The following ARHGEF10L variants were observed in gnomAD, a reference collection of about 807,000 sequenced individuals.
ARHGEF10L encodes the protein rho guanine nucleotide exchange factor 10-like protein.
In ARHGEF10L, 69 loss-of-function variants were observed where a neutral mutation model predicts 141.2. The observed-to-expected ratio is 0.49, with a 90% CI of 0.40 to 0.60. The LOEUF is 0.60. Ranked by LOEUF, ARHGEF10L falls within the 20% of genes least tolerant of loss-of-function variation. The pLI, the probability that ARHGEF10L is intolerant of heterozygous loss-of-function variation, is 0.00. For missense variants in ARHGEF10L, 1,482 were observed against 1,734.3 expected (o/e 0.85, Z 2.58); for synonymous variants, 711 against 718.5 (o/e 0.99, Z 0.17).
intron 27 of ARHGEF10L, among the ~76,000 whole-genome samples, chr1:17,692,892 C>A (rs767362348): frequency 7.9e-5 from 12 of 152,174 alleles, no homozygotes; most frequent in Non-Finnish European, 1.2e-4. Flanking sequence ...TGTCACAGGG[C>A]CTTTGCATGC....
intron 1 of ARHGEF10L, among the ~76,000 whole-genome samples, chr1:17,565,428 C>T (rs193272848): frequency 6.1e-4 from 93 of 152,326 alleles, no homozygotes; most frequent in African/African-American, 1.5e-3. Context: ...GCATTGCAGA[C>T]GAACTATCCA....
At chr1:17,634,670 C>G in intron 17 of ARHGEF10L, 108 bp downstream of exon 17, 1 of 1,506,956 alleles carries the variant, frequency 6.6e-7, no homozygotes, top group South Asian at 1.3e-5. Flanking sequence ...GTGCTTCTAC[C>G]CTGGCGAGGG....
intron 26 of ARHGEF10L, among the ~76,000 whole-genome samples, chr1:17,672,359 C>T (rs573750164): frequency 3.9e-5 from 6 of 152,160 alleles, no homozygotes; most frequent in East Asian, 3.9e-4. Context: ...TGACATGAAA[C>T]GGGTGGGAAT....
intron 7 of ARHGEF10L, among the ~76,000 whole-genome samples, chr1:17,610,616 G>A (rs1032711261): frequency 2.6e-5 from 4 of 152,214 alleles, no homozygotes; most frequent in African/African-American, 9.6e-5. Context: ...GGGCGCACCT[G>A]CTCACCCGCT....
intron 4 of ARHGEF10L, 73 bp downstream of exon 4, chr1:17,588,552 G>T: frequency 6.3e-7 from 1 of 1,590,648 alleles, no homozygotes; most frequent in Non-Finnish European, 8.6e-7. Flanking sequence ...GGGATGGGGT[G>T]GAGCTGAGGC....
rs1240440282 is a variant in ARHGEF10L at position 17,603,070 on chromosome 1, G to C, written c.350-438G>C. On this transcript the variant is annotated intron_variant, in intron 5 of 28. Transcript: ENST00000361221. The surrounding 1 kb of genome is among the most constrained non-coding windows in gnomAD (Gnocchi z 4.8). The stretch of plus-strand genomic sequence containing the variant: ...CGTGACTTCTTCCTGGAAGGCCTGT[G>C]GGTCAAGGACCGGCTCCCATCAGGG... Among the ~76,000 whole-genome samples the C allele has an allele frequency of 1.3e-5, 2 of 151,774 alleles. No homozygotes were observed. The highest frequency in any genetic ancestry group is 2.9e-5 in the Non-Finnish European group (2 of 67,926).
intron 7 of ARHGEF10L, among the ~76,000 whole-genome samples, chr1:17,608,322 G>C (rs1475745490): frequency 6.6e-6 from 1 of 152,194 alleles, no homozygotes; most frequent in African/African-American, 2.4e-5. Flanking sequence ...CCGCACTCCA[G>C]GTAGCCCAGC....
intron 25 of ARHGEF10L, among the ~76,000 whole-genome samples, chr1:17,664,169 G>C (rs1281686434): frequency 6.6e-6 from 1 of 152,102 alleles, no homozygotes; most frequent in Non-Finnish European, 1.5e-5. Flanking sequence ...GGGAGAGAGG[G>C]AAAGAGAGAG....
Position 17,695,263 on chromosome 1 carries a change from G to C in ARHGEF10L, c.3290G>C (p.Gly1097Ala), listed in dbSNP as rs201041300. The C allele has an allele frequency of 1.9e-6, 3 of 1,589,598 alleles. No homozygotes were observed. Among genetic ancestry groups the C allele is most frequent in the South Asian group, 2.3e-5 (2 of 86,042 alleles). Reference protein sequence around the residue: ...IVLLPVPRLEGIPKITGKGMV... With the variant: ...IVLLPVPRLEAIPKITGKGMV... ...CTGCTGCCCGTGCCTCGGCTGGAAG[G>C]CATCCCCAAGATCACAGGTGAGGCT... Residue 1097 changes from glycine (G) to alanine (A), a missense_variant, in exon 28 of 29, where the codon GGC (glycine) becomes GCC (alanine). Physicochemically the swap from Gly to Ala is moderately conservative, Grantham distance 60. Transcript: ENST00000361221.
At chr1:17,514,125 CTTTTTTTTTTTTTTTTT>C in the ARHGEF10L span, among the ~76,000 whole-genome samples, 63 of 40,486 alleles carry the variant, frequency 1.6e-3, no homozygotes, top group Admixed American at 4.0e-3. Flanking sequence ...CACCCAGCCT[CTTTTTTTTTTTTTTTTT>C]TTTTTTTTTT....
At chr1:17,658,385 C>T (rs751722944) in intron 25 of ARHGEF10L, among the ~76,000 whole-genome samples, 1 of 152,060 alleles carries the variant, frequency 6.6e-6, no homozygotes, top group Non-Finnish European at 1.5e-5. Context: ...GCCTGTTAGT[C>T]AGGACCAAAA....
chr1:17,554,640 C>G (rs1263524415), intron 1 of ARHGEF10L, among the ~76,000 whole-genome samples: 1 of 143,948 alleles, frequency 6.9e-6, no homozygotes, highest in Non-Finnish European at 1.5e-5. Flanking sequence ...GGCTGGAACA[C>G]AGTGGCATGA....
chr1:17,690,864 C>T lies in ARHGEF10L; in HGVS notation c.3184+3117C>T, dbSNP rs946752676. Among the ~76,000 whole-genome samples, 5 of 152,306 alleles carry T rather than the reference C, an allele frequency of 3.3e-5. No homozygotes were observed. The South Asian group carries it at 6.2e-4, about 19-fold the overall frequency. On this transcript the variant is annotated intron_variant, in intron 27 of 28. Transcript: ENST00000361221. ...ACCCCACGTTGTGCCTTTGCAGAAG[C>T]GCAACACAGCAGGATTCTTAAGTTC...
the ARHGEF10L span, among the ~76,000 whole-genome samples, chr1:17,522,393 A>G: frequency 6.6e-6 from 1 of 152,154 alleles, no homozygotes; most frequent in South Asian, 2.1e-4. Flanking sequence ...TGATGCTCAT[A>G]GTTGAGGAAT....
chr1:17,650,826 G>A (rs767011669), intron 22 of ARHGEF10L, among the ~76,000 whole-genome samples: 2 of 152,080 alleles, frequency 1.3e-5, no homozygotes, highest in African/African-American at 2.4e-5. Context: ...TGATGTGGGC[G>A]GAGGCCAGGG....
At chr1:17,638,976 T>C (rs757562462) in intron 20 of ARHGEF10L, among the ~76,000 whole-genome samples, 1 of 152,196 alleles carries the variant, frequency 6.6e-6, no homozygotes, top group Non-Finnish European at 1.5e-5. Flanking sequence ...TCAGTTCCAT[T>C]TGCGCTGTGT....
At chr1:17,637,697 G>C (rs1017725983) in intron 18 of ARHGEF10L, among the ~76,000 whole-genome samples, 191 bp from the exon 19 acceptor site, 1 of 152,134 alleles carries the variant, frequency 6.6e-6, no homozygotes, top group African/African-American at 2.4e-5. Context: ...GTACAGACGG[G>C]GTTTCACCGT....
rs183633890 is a variant in ARHGEF10L, at chr1:17,673,016, G to A, written c.3009+8421G>A. ...CTAGCACTTGGATTCCCCCCAACCAGAAGATTTAGGTGATGAAAAGATTTC... is the reference window on the plus strand; with the variant it reads ...CTAGCACTTGGATTCCCCCCAACCAAAAGATTTAGGTGATGAAAAGATTTC... On this transcript the variant is annotated intron_variant, in intron 26 of 28. Transcript: ENST00000361221. The surrounding 1 kb of genome is among the most constrained non-coding windows in gnomAD (Gnocchi z 4.1). Among the ~76,000 whole-genome samples the A allele has an allele frequency of 2.0e-4, 31 of 152,226 alleles. No individual in the cohort carries two copies. The highest frequency in any genetic ancestry group is 7.5e-4 in the African/African-American group (31 of 41,534).
chr1:17,652,145 G>A (rs1310190063), intron 22 of ARHGEF10L, among the ~76,000 whole-genome samples: 1 of 152,224 alleles, frequency 6.6e-6, no homozygotes, highest in African/African-American at 2.4e-5. Flanking sequence ...GCTGGGCAGA[G>A]GGAGTTGCTG....
Sources: gnomAD v4.1 joint callset for allele counts (sites outside exome capture counted in the v4.1 genomes callset) on GRCh38, gnomAD v4.1.1 for gene constraint, Gnocchi (gnomAD v3.1) non-coding constraint, MANE v1.5 for transcripts, NCBI Gene and HGNC (gene_info 2026-07-23, HGNC 2026-07-21) for gene names.